Variants in MAGI2 observed in about 807,000 individuals in gnomAD.
MAGI2 encodes membrane associated guanylate kinase, WW and PDZ domain containing 2, also known as membrane-associated guanylate kinase, WW and PDZ domain-containing protein 2.
MAGI2 carries 35 observed loss-of-function variants against 133.3 expected under a neutral mutation model. That is an observed-to-expected ratio of 0.26 (90% CI 0.20 to 0.35). MAGI2 has a LOEUF of 0.35. Among genes scored for constraint, MAGI2 ranks in the 10% least tolerant of loss-of-function variants. The probability of loss-of-function intolerance (pLI) is 1.00; values close to 1 mark genes in which losing one functional copy is unlikely to be tolerated. For synonymous variants in MAGI2, 729 were observed against 710.6 expected, an observed-to-expected ratio of 1.03 and a Z score of -0.41; for missense variants, 1,636 against 1,863.4, an observed-to-expected ratio of 0.88 and a Z score of 2.25.
intron 1 of MAGI2, among the ~76,000 whole-genome samples, chr7:79,044,882 C>T (rs1036209950): frequency 6.6e-6 from 1 of 152,174 alleles, no homozygotes; most frequent in Non-Finnish European, 1.5e-5. Flanking sequence ...TAAATTTATA[C>T]ATGCATTTAC....
intron 1 of MAGI2, chr7:79,172,990 G>A (rs1445882895): frequency 6.6e-6 from 1 of 151,904 alleles, no homozygotes; most frequent in East Asian, 1.9e-4. Context: ...TTTACAGTAA[G>A]TATTAAATAG....
intron 2 of MAGI2, among the ~76,000 whole-genome samples, chr7:78,905,050 A>G (rs1797897282): frequency 6.6e-6 from 1 of 152,060 alleles, no homozygotes; most frequent in Non-Finnish European, 1.5e-5. Flanking sequence ...GCTCTACCTT[A>G]TAACCTCCCT....
chr7:79,178,277 G>A (rs1826290840), intron 1 of MAGI2, among the ~76,000 whole-genome samples: 1 of 151,872 alleles, frequency 6.6e-6, no homozygotes, highest in Non-Finnish European at 1.5e-5. Flanking sequence ...GAAAACAGCA[G>A]ATACGTTCTA....
At chr7:79,328,235 G>T (rs950120311) in intron 1 of MAGI2, among the ~76,000 whole-genome samples, 1 of 151,988 alleles carries the variant, frequency 6.6e-6, no homozygotes, top group Non-Finnish European at 1.5e-5. Flanking sequence ...GTTTTTCATA[G>T]GTTCATATAG....
chr7:78,413,924 T>G (rs1798072568), intron 6 of MAGI2, among the ~76,000 whole-genome samples: 1 of 152,102 alleles, frequency 6.6e-6, no homozygotes, highest in Non-Finnish European at 1.5e-5. Flanking sequence ...GAATCCATGT[T>G]GTATTTAGAC....
chr7:78,061,161 C>CAAAA (rs58941684), intron 21 of MAGI2, among the ~76,000 whole-genome samples: 1 of 97,634 alleles, frequency 1.0e-5, no homozygotes, highest in Non-Finnish European at 2.2e-5. Context: ...AAGACTGTCT[C>CAAAA]AAAAAAAAAA....
chr7:78,278,005 T>G (rs16885922), intron 9 of MAGI2, among the ~76,000 whole-genome samples: 3,699 of 152,210 alleles, frequency 0.024, 154 homozygotes, highest in African/African-American at 0.084. Flanking sequence ...ATTTGAAAGT[T>G]TAGCTTGAAG....
chr7:78,808,502 C>T (rs1248861766), intron 2 of MAGI2, among the ~76,000 whole-genome samples: 1 of 152,162 alleles, frequency 6.6e-6, no homozygotes, highest in Non-Finnish European at 1.5e-5. Flanking sequence ...GTGATCCGCC[C>T]GCCTCGGCCT....
At chr7:78,649,494 C>G (rs1354807408) in intron 2 of MAGI2, among the ~76,000 whole-genome samples, 2 of 152,022 alleles carry the variant, frequency 1.3e-5, no homozygotes, top group African/African-American at 4.8e-5. Context: ...AAAAGTTGTT[C>G]AGATCCAAAT....
intron 3 of MAGI2, among the ~76,000 whole-genome samples, chr7:78,585,785 G>C: frequency 6.6e-6 from 1 of 152,114 alleles, no homozygotes; most frequent in East Asian, 1.9e-4. Flanking sequence ...AAGGGAATGG[G>C]AATACATGAA....
chr7:78,035,012 T>C (rs1302309128), intron 21 of MAGI2: 1 of 152,358 alleles, frequency 6.6e-6, no homozygotes, highest in Non-Finnish European at 1.5e-5. Context: ...GGATGTGAGG[T>C]GTGGCGTGAA....
At chr7:79,031,566 C>T (rs886917392) in intron 1 of MAGI2, among the ~76,000 whole-genome samples, 1 of 152,100 alleles carries the variant, frequency 6.6e-6, no homozygotes. Context: ...CTATAAAGGG[C>T]AATTAGCAAG....
intron 1 of MAGI2, among the ~76,000 whole-genome samples, chr7:79,024,689 G>A (rs1809689582): frequency 6.6e-6 from 1 of 151,896 alleles, no homozygotes; most frequent in Non-Finnish European, 1.5e-5. Context: ...ACTAATGAGG[G>A]GGCAAAGGAC....
intron 2 of MAGI2, among the ~76,000 whole-genome samples, chr7:78,780,875 A>T (rs1826341757): frequency 6.6e-6 from 1 of 152,174 alleles, no homozygotes; most frequent in East Asian, 1.9e-4. Flanking sequence ...ATTCCTCTAG[A>T]ATAAAAGTAA....
intron 6 of MAGI2, chr7:78,485,877 C>T (rs1311755373): frequency 6.6e-6 from 1 of 151,982 alleles, no homozygotes; most frequent in Non-Finnish European, 1.5e-5. Flanking sequence ...AAAATTTCTG[C>T]TACCAGATAG....
chr7:79,447,115 A>T (rs1318309729), intron 1 of MAGI2, among the ~76,000 whole-genome samples: 3 of 152,190 alleles, frequency 2.0e-5, no homozygotes, highest in African/African-American at 4.8e-5. Flanking sequence ...TAACTTTTTT[A>T]AAAATATCTC....
chr7:78,684,905 A>G (rs1306737601), intron 2 of MAGI2, among the ~76,000 whole-genome samples: 2 of 152,218 alleles, frequency 1.3e-5, no homozygotes, highest in African/African-American at 4.8e-5. Context: ...GCAGGTAATT[A>G]GTACAAACAA....
chr7:78,990,555 C>T (rs937828731), intron 2 of MAGI2, among the ~76,000 whole-genome samples: 4 of 152,004 alleles, frequency 2.6e-5, no homozygotes, highest in Admixed American at 6.6e-5. Flanking sequence ...TCTAAAGCAA[C>T]TTAAAATGGT....
At chr7:78,460,978 C>G (rs12536872) in intron 6 of MAGI2, among the ~76,000 whole-genome samples, 1 of 151,404 alleles carries the variant, frequency 6.6e-6, no homozygotes, top group Admixed American at 6.6e-5. Context: ...ACACACACAC[C>G]CTTCTTTTTA....
Sources: allele counts gnomAD v4.1 joint callset (sites outside exome capture counted in the v4.1 genomes callset), GRCh38; gene constraint gnomAD v4.1.1; transcripts MANE v1.5; gene names NCBI Gene and HGNC (gene_info 2026-07-23, HGNC 2026-07-21).